Variants in TDRD7 observed in about 807,000 individuals in gnomAD.
TDRD7 encodes tudor domain containing 7.
A neutral mutation model predicts 109.8 loss-of-function variants in TDRD7; 47 were observed. The observed-to-expected ratio is 0.43, with a 90% CI of 0.34 to 0.55. The LOEUF (loss-of-function observed/expected upper bound fraction) is 0.55. Among genes scored for constraint, TDRD7 ranks in the 20% least tolerant of loss-of-function variants. The pLI is 0.03. For missense variants in TDRD7, 1,164 were observed against 1,319.2 expected (o/e 0.88, Z 1.82); for synonymous variants, 424 against 457.3 (o/e 0.93, Z 0.93).
chr9:97,419,879 A>G (rs765287272), intron 1 of TDRD7, among the ~76,000 whole-genome samples: 7 of 152,156 alleles, frequency 4.6e-5, no homozygotes, highest in Non-Finnish European at 1.0e-4. Context: ...ACAGACCTGG[A>G]TTGAAATCCT....
chr9:97,421,106 G>A (rs560862426), intron 1 of TDRD7, among the ~76,000 whole-genome samples: 21 of 149,076 alleles, frequency 1.4e-4, no homozygotes, highest in Admixed American at 2.7e-4. Context: ...CTGCACTCCA[G>A]CCTGGGCCAC....
At chr9:97,422,162 G>A (rs963322202) in intron 1 of TDRD7, among the ~76,000 whole-genome samples, 7 of 152,190 alleles carry the variant, frequency 4.6e-5, no homozygotes, top group African/African-American at 1.7e-4. Flanking sequence ...GGAGGCTGAA[G>A]TGGGTGGATC....
intron 8 of TDRD7, among the ~76,000 whole-genome samples, chr9:97,467,271 A>G (rs1828836328): frequency 6.6e-6 from 1 of 152,254 alleles, no homozygotes; most frequent in Non-Finnish European, 1.5e-5. Flanking sequence ...CAGTGTAACA[A>G]TATTTACAAT....
chr9:97,490,909 C>CTTTTTTTTTTTTTTTTTT (rs1174656625), intron 16 of TDRD7, among the ~76,000 whole-genome samples: 1 of 77,648 alleles, frequency 1.3e-5, no homozygotes, highest in East Asian at 4.2e-4. Context: ...CTTTTCTTTT[C>CTTTTTTTTTTTTTTTTTT]TTTTTTTTTT....
chr9:97,432,320 C>T (rs1463225883), intron 4 of TDRD7, 82 bp downstream of exon 4: 4 of 1,248,962 alleles, frequency 3.2e-6, no homozygotes, highest in Non-Finnish European at 4.7e-6. Context: ...AAGAAAGAAA[C>T]ACTTTCTATT....
chr9:97,414,648 T>C (rs965584964), intron 1 of TDRD7, among the ~76,000 whole-genome samples: 1 of 152,192 alleles, frequency 6.6e-6, no homozygotes, highest in African/African-American at 2.4e-5. Flanking sequence ...ATTCGTGGTA[T>C]GCAGTTAAAA....
At chr9:97,438,893 T>C (rs982004529) in intron 4 of TDRD7, among the ~76,000 whole-genome samples, 1 of 152,222 alleles carries the variant, frequency 6.6e-6, no homozygotes. Flanking sequence ...ATTTTTTGGT[T>C]ATATTCCAAA....
chr9:97,482,963 A>G lies in TDRD7; in HGVS notation c.2527A>G (p.Lys843Glu). Reference sequence around the variant, plus strand: ...CCAGATTACAAATGCAGACTTGTGGAAGCATCAGAAGGATGTGTTTTTGAG... The same window carrying G: ...CCAGATTACAAATGCAGACTTGTGGGAGCATCAGAAGGATGTGTTTTTGAG... ...NRQITNADLWKHQKDVFLSAI... is the reference protein window; with the variant it reads ...NRQITNADLWEHQKDVFLSAI... The change falls in exon 15 of 17, where the codon AAG becomes GAG. Residue 843 changes from lysine to glutamate, a missense_variant. By Grantham distance (56) the Lys-to-Glu change is moderately conservative (BLOSUM62 1). This residue lies in a region of TDRD7 where 233 missense variants were observed against 218.0 expected (regional missense o/e 1.07). Transcript: ENST00000355295. The G allele has an allele frequency of 6.2e-7, 1 of 1,614,186 alleles. No homozygotes were observed. Among genetic ancestry groups the G allele is most frequent in the Non-Finnish European group, 8.5e-7 (1 of 1,180,044 alleles).
At chr9:97,456,084 A>G (rs1489302821) in intron 6 of TDRD7, among the ~76,000 whole-genome samples, 1 of 152,208 alleles carries the variant, frequency 6.6e-6, no homozygotes, top group Non-Finnish European at 1.5e-5. Context: ...ATCGCTACAA[A>G]GAGAATAAAA....
At chr9:97,479,570 C>G (rs1156499124) in intron 13 of TDRD7, among the ~76,000 whole-genome samples, 1 of 151,794 alleles carries the variant, frequency 6.6e-6, no homozygotes, top group East Asian at 1.9e-4. Flanking sequence ...TTTTCATAAT[C>G]TTGTGTAGGT....
At chr9:97,485,821 T>C (rs1829202809) in intron 15 of TDRD7, among the ~76,000 whole-genome samples, 1 of 152,208 alleles carries the variant, frequency 6.6e-6, no homozygotes, top group Non-Finnish European at 1.5e-5. Context: ...CAGGTGGGAC[T>C]CTAATTCAGG....
At position 97,457,248 on chromosome 9, in the gene TDRD7, A is replaced by AGAC. The variant is rs535650503; in HGVS notation, c.856-2929_856-2927dup. On this transcript the variant is annotated intron_variant, in intron 6 of 16. Coordinates refer to ENST00000355295, the MANE Select transcript of TDRD7 (RefSeq NM_014290.3). ...TGTAAATTAGTTCAACTGTTGTGGAAGACAGTATGGCGACAATTCCTCAAG... is the reference window on the plus strand; with the variant it reads ...TGTAAATTAGTTCAACTGTTGTGGAAGACGACAGTATGGCGACAATTCCTCAAG... 4.3e-3 allele frequency among the ~76,000 whole-genome samples: 648 copies of AGAC among 152,292 alleles called. 3 individuals are homozygous for AGAC. Among genetic ancestry groups the AGAC allele is most frequent in the Non-Finnish European group, 5.5e-3 (377 of 68,012 alleles).
In TDRD7 at chr9:97,460,178, GT is replaced by G; in HGVS notation, c.857del (p.Val286GlyfsTer22). On this transcript the variant is annotated frameshift_variant and splice_region_variant, in exon 7 of 17. Transcript: ENST00000355295. LOFTEE classifies it high-confidence loss of function. Reference protein sequence around the residue: ...QFEHWPHICTVEKPCSGGQDL... With the variant: ...QFEHWPHICTXEKPCSGGQDL... The stretch of plus-strand genomic sequence containing the variant: ...CATTTGCTTTATTTAAAAATTTCAG[GT>G]GGAGAAACCTTGCAGTGGTGGCCAA... The G allele has an allele frequency of 6.2e-7, 1 of 1,614,078 alleles. No homozygotes were observed. Among genetic ancestry groups the G allele is most frequent in the Non-Finnish European group, 8.5e-7 (1 of 1,179,942 alleles).
In TDRD7 at chr9:97,472,504, G is replaced by A. The variant is rs371143599; in HGVS notation, c.1944+9G>A. The A allele has an allele frequency of 3.0e-4, 483 of 1,607,660 alleles. No homozygotes were observed. The highest frequency in any genetic ancestry group is 3.9e-4 in the Non-Finnish European group (453 of 1,174,570). On this transcript the variant is annotated intron_variant, in intron 10 of 16. Transcript: ENST00000355295. ...TAGAGGTTCACCTGCAGGTACCACT[G>A]TGATCACTGTTGTTGCTTGTTACAC...
At chr9:97,465,072 CTTA>C (rs1176837243) in intron 8 of TDRD7, 44 bp downstream of exon 8, 4 of 1,571,942 alleles carry the variant, frequency 2.5e-6, no homozygotes, top group East Asian at 2.3e-5. Context: ...ATACAAATAC[CTTA>C]TTATTTTCCA....
intron 1 of TDRD7, among the ~76,000 whole-genome samples, chr9:97,413,383 G>GTT (rs1352478008): frequency 6.6e-6 from 1 of 152,110 alleles, no homozygotes; most frequent in Non-Finnish European, 1.5e-5. Flanking sequence ...TCTTAGCCTG[G>GTT]TTTTCTATGT....
At chr9:97,486,232 A>G (rs1056916338) in intron 15 of TDRD7, among the ~76,000 whole-genome samples, 12 of 152,174 alleles carry the variant, frequency 7.9e-5, no homozygotes, top group African/African-American at 2.9e-4. Context: ...ACCTCCATAG[A>G]CACTTTCTTT....
chr9:97,442,800 T>A (rs1382637335), intron 6 of TDRD7, among the ~76,000 whole-genome samples: 1 of 151,474 alleles, frequency 6.6e-6, no homozygotes, highest in African/African-American at 2.4e-5. Flanking sequence ...GTATTTTTTT[T>A]TTTTCTTTTT....
intron 1 of TDRD7, among the ~76,000 whole-genome samples, chr9:97,413,737 G>C (rs1827763977): frequency 1.3e-5 from 2 of 152,322 alleles, no homozygotes; most frequent in African/African-American, 4.8e-5. Flanking sequence ...AGGGCCCTTT[G>C]GTGGCACACA....
Sources: gnomAD v4.1 joint callset for allele counts (sites outside exome capture counted in the v4.1 genomes callset) on GRCh38, gnomAD v4.1.1 for gene constraint, gnomAD v4.1.1 regional missense constraint, MANE v1.5 for transcripts, NCBI Gene and HGNC (gene_info 2026-07-23, HGNC 2026-07-21) for gene names.